PRKCB: variants seen among roughly 807,000 people sequenced by gnomAD.
The protein encoded by PRKCB is protein kinase C beta type.
A neutral mutation model predicts 81.5 loss-of-function variants in PRKCB; 13 were observed. That is an observed-to-expected ratio of 0.16 (90% confidence interval 0.10 to 0.25). The LOEUF (loss-of-function observed/expected upper bound fraction) is 0.25. Ranked by LOEUF, PRKCB falls within the 10% of genes least tolerant of loss-of-function variation. The pLI, the probability that PRKCB is intolerant of heterozygous loss-of-function variation, is 1.00. For missense variants in PRKCB, 509 were observed against 875.7 expected (o/e 0.58, Z 5.29); for synonymous variants, 335 against 321.4 (o/e 1.04, Z -0.45).
chr16:23,838,305 G>A (rs1390094169), intron 2 of PRKCB, among the ~76,000 whole-genome samples: 7 of 152,188 alleles, frequency 4.6e-5, no homozygotes, highest in Admixed American at 2.6e-4. Flanking sequence ...GAAAACAATC[G>A]TTTGGAGCTG....
At chr16:23,980,798 A>AATATATATATATATAT (rs143162594) in intron 2 of PRKCB, among the ~76,000 whole-genome samples, 1 of 148,702 alleles carries the variant, frequency 6.7e-6, no homozygotes, top group African/African-American at 2.5e-5. Context: ...CTCCAAACAG[A>AATATATATATATATAT]ATATATATAT....
intron 2 of PRKCB, among the ~76,000 whole-genome samples, chr16:23,936,965 C>T (rs1267983175): frequency 1.3e-5 from 2 of 152,194 alleles, no homozygotes; most frequent in Non-Finnish European, 2.9e-5. Context: ...GAAGGCATCA[C>T]ATTTTCCAGT....
chr16:24,218,796 C>CA lies in PRKCB; in HGVS notation c.*3981dup. ...ACTTTGGCTGCAGCCCGGGAATGTG[C>CA]AGGGCACTAGGGAATACAAGGCCTT... On this transcript the variant is annotated 3_prime_UTR_variant, in exon 17 of 17. Coordinates refer to ENST00000643927, the MANE Select transcript of PRKCB (RefSeq NM_002738.7). 1 of 985,436 alleles carries CA rather than the reference C, an allele frequency of 1.0e-6. No homozygotes were observed. The highest frequency in any genetic ancestry group is 1.1e-4 in the East Asian group (1 of 8,810). 61.0% of individuals were successfully genotyped at this position (985,436 alleles called of 1,614,324 possible).
At chr16:24,069,758 C>T (rs2141883701) in intron 5 of PRKCB, among the ~76,000 whole-genome samples, 1 of 152,088 alleles carries the variant, frequency 6.6e-6, no homozygotes, top group South Asian at 2.1e-4. Flanking sequence ...ACAAACAAAA[C>T]AAAACAGTGC....
chr16:24,184,395 C>T (rs1460696251), intron 13 of PRKCB, among the ~76,000 whole-genome samples: 1 of 151,588 alleles, frequency 6.6e-6, no homozygotes, highest in Non-Finnish European at 1.5e-5. Flanking sequence ...AGGCTGTGAG[C>T]TGTGAGCTAT....
At chr16:23,870,519 A>G (rs1962885816) in intron 2 of PRKCB, among the ~76,000 whole-genome samples, 1 of 152,222 alleles carries the variant, frequency 6.6e-6, no homozygotes, top group South Asian at 2.1e-4. Context: ...GGTCTGTTTG[A>G]TTCCAGAGGC....
At chr16:24,186,122 G>A (rs1056936456) in intron 15 of PRKCB, among the ~76,000 whole-genome samples, 3 of 152,162 alleles carry the variant, frequency 2.0e-5, no homozygotes, top group Admixed American at 1.3e-4. Flanking sequence ...TGCACGCTTG[G>A]ACATCTACGG....
chr16:24,020,976 T>TTTAC (rs1195937545), intron 3 of PRKCB, among the ~76,000 whole-genome samples: 14 of 96,630 alleles, frequency 1.4e-4, no homozygotes, highest in Non-Finnish European at 2.7e-4. Context: ...AGACTTTTCT[T>TTTAC]TTTCTTTCTT....
In PRKCB at chr16:23,847,460, CCATCCATCCAT is replaced by C. The variant is rs1422959257; in HGVS notation, c.205+10056_205+10066del. 2.9e-4 allele frequency among the ~76,000 whole-genome samples: 44 copies of C among 149,972 alleles called. No homozygotes were observed. The Middle Eastern group carries it at 0.014, about 47-fold the overall frequency. On this transcript the variant is annotated intron_variant, in intron 2 of 16. Transcript: ENST00000643927. ...TCCATCCATCCATCCATCCATCCAT[CCATCCATCCAT>C]CCATCCACCCAGCTATTCTTCCATT...
At position 23,875,619 on chromosome 16, in the gene PRKCB, T is replaced by TATGTGTATATCAAACAC. The variant is rs1567298542; in HGVS notation, c.205+38215_205+38216insGTGTATATCAAACACAT. 3.3e-3 allele frequency among the ~76,000 whole-genome samples: 112 copies of TATGTGTATATCAAACAC among 34,242 alleles called. 11 individuals carry two copies. The highest frequency in any genetic ancestry group is 7.8e-3 in the African/African-American group (88 of 11,252). 22.5% of individuals were successfully genotyped at this position (34,242 alleles called of 152,430 possible). A position where few individuals can be genotyped will look rare whatever the true frequency, so the allele number is the denominator to read the frequency against. On this transcript the variant is annotated intron_variant, in intron 2 of 16. Transcript: ENST00000643927. The stretch of plus-strand genomic sequence containing the variant: ...CACATATGTATGTATATCACACACA[T>TATGTGTATATCAAACAC]ATATGTATGTATATCACACATATAT...
chr16:23,882,025 C>CTCTTTCTTTCTTTCTTTCTCTTT (rs1597226197), intron 2 of PRKCB, among the ~76,000 whole-genome samples: 24 of 18,354 alleles, frequency 1.3e-3, no homozygotes, highest in Non-Finnish European at 1.8e-3. Flanking sequence ...TTTCTTTCTT[C>CTCTTTCTTTCTTTCTTTCTCTTT]CTTCCTTCCT....
At chr16:24,140,865 G>T (rs760874567) in intron 9 of PRKCB, among the ~76,000 whole-genome samples, 2 of 152,118 alleles carry the variant, frequency 1.3e-5, no homozygotes, top group African/African-American at 2.4e-5. Context: ...TTTTACAAAG[G>T]CAGTTTAGTT....
chr16:23,863,701 C>G (rs1358457106), intron 2 of PRKCB, among the ~76,000 whole-genome samples: 1 of 152,184 alleles, frequency 6.6e-6, no homozygotes, highest in African/African-American at 2.4e-5. Flanking sequence ...TTATGGCAGC[C>G]TGGAGTCAGT....
intron 8 of PRKCB, 116 bp from the exon 9 acceptor site, chr16:24,123,719 C>T: frequency 9.2e-7 from 1 of 1,086,684 alleles, no homozygotes; most frequent in Non-Finnish European, 1.3e-6. Context: ...CTATGCTTTT[C>T]ATGGGGACAG....
intron 2 of PRKCB, among the ~76,000 whole-genome samples, chr16:23,933,636 C>CCATT (rs1337673801): frequency 6.8e-6 from 1 of 147,952 alleles, no homozygotes; most frequent in Non-Finnish European, 1.5e-5. Flanking sequence ...TGATATCCAT[C>CCATT]CATCCATCCA....
chr16:24,051,826 C>T (rs182436137), intron 5 of PRKCB, among the ~76,000 whole-genome samples: 86 of 152,120 alleles, frequency 5.7e-4, no homozygotes, highest in African/African-American at 1.7e-3. Context: ...GGAAAGAGGC[C>T]GGGCACAGTG....
At chr16:23,837,333 C>A in intron 1 of PRKCB, 42 bp from the exon 2 acceptor site, 1 of 1,610,032 alleles carries the variant, frequency 6.2e-7, no homozygotes, top group Non-Finnish European at 8.5e-7. Context: ...GGAGGCTGGG[C>A]CCCCCGGGCT....
chr16:24,120,218 G>T (rs543962633), intron 8 of PRKCB, among the ~76,000 whole-genome samples: 1 of 152,220 alleles, frequency 6.6e-6, no homozygotes, highest in South Asian at 2.1e-4. Flanking sequence ...CGTCGACTGG[G>T]AACTTTTGGA....
At chr16:24,198,129 A>G (rs928650217) in intron 16 of PRKCB, among the ~76,000 whole-genome samples, 40 of 152,232 alleles carry the variant, frequency 2.6e-4, no homozygotes, top group African/African-American at 9.4e-4. Flanking sequence ...GACTTGTAGC[A>G]AAAGGTGCAT....
Sources: gnomAD v4.1 joint callset for allele counts (sites outside exome capture counted in the v4.1 genomes callset) on GRCh38, gnomAD v4.1.1 for gene constraint, MANE v1.5 for transcripts, NCBI Gene and HGNC (gene_info 2026-07-23, HGNC 2026-07-21) for gene names.